Variants in MYBPC3 observed in about 807,000 individuals in gnomAD.
The protein encoded by MYBPC3 is myosin binding protein C3.
In MYBPC3, 108 loss-of-function variants were observed where a neutral mutation model predicts 159.3. The ratio of observed to expected loss-of-function variants is 0.68; its 90% CI spans 0.58 to 0.80. MYBPC3 has a LOEUF of 0.80. Ranked by LOEUF, MYBPC3 falls within the 30% of genes least tolerant of loss-of-function variation. The pLI is 0.00. For synonymous variants in MYBPC3, 730 were observed against 702.0 expected (o/e 1.04, Z -0.63); for missense variants, 1,631 against 1,762.1 (o/e 0.93, Z 1.33).
chr11:47,338,886 G>A lies in MYBPC3; in HGVS notation c.2149-207C>T, dbSNP rs970055115. On this transcript the variant is annotated intron_variant, in intron 22 of 34. Coordinates refer to ENST00000545968, the MANE Select transcript of MYBPC3 (RefSeq NM_000256.3). The surrounding 1 kb of genome is among the most constrained non-coding windows in gnomAD (Gnocchi z 4.7). ...TTCTAGCTTTGTCACGGGACCTGGG[G>A]CAACCACCTGTCCTCTCAGATGAGC... 2.0e-5 allele frequency among the ~76,000 whole-genome samples: 3 copies of A among 152,192 alleles called. No homozygotes were observed. The East Asian group carries it at 5.8e-4, about 29-fold the overall frequency.
chr11:47,343,685 G>T, intron 12 of MYBPC3, 61 bp from the exon 13 acceptor site: 1 of 1,487,492 alleles, frequency 6.7e-7, no homozygotes, highest in Non-Finnish European at 8.9e-7. Flanking sequence ...CCCAGGCCAA[G>T]CTACTGTGGC....
chr11:47,342,510 G>A (rs1595846086), intron 17 of MYBPC3, 68 bp downstream of exon 17: 2 of 1,455,992 alleles, frequency 1.4e-6, no homozygotes, highest in South Asian at 2.8e-5. Context: ...TCCCCTACAG[G>A]GCTAGGTGGG....
chr11:47,351,190 C>G lies in MYBPC3; in HGVS notation c.292+49G>C. 4.5e-5 allele frequency: 61 copies of G among 1,363,030 alleles called. No homozygotes were observed. The highest frequency in any genetic ancestry group is 5.8e-5 in the African/African-American group (4 of 68,504). The allele number at this position is 1,363,030 out of a possible 1,614,324, so 84.4% of individuals were successfully genotyped here. A position where few individuals can be genotyped will look rare whatever the true frequency, so the allele number is the denominator to read the frequency against. ...GGATGGATGGAGAGTCGCTGGGCTGCCCCTCCCCCAGCAGCCCAAACCTCA... is the reference window on the plus strand; with the variant it reads ...GGATGGATGGAGAGTCGCTGGGCTGGCCCTCCCCCAGCAGCCCAAACCTCA... On this transcript the variant is annotated intron_variant, in intron 2 of 34. Transcript: ENST00000545968. This position sits in a 1 kb window ranked among gnomAD's most constrained non-coding sequence, Gnocchi z 4.2.
At chr11:47,340,910 C>G in intron 20 of MYBPC3, 93 bp downstream of exon 20, 3 of 1,364,978 alleles carry the variant, frequency 2.2e-6, no homozygotes, top group Non-Finnish European at 2.9e-6. Flanking sequence ...CACTTTTGAT[C>G]CTTGCTCTTC....
chr11:47,350,469 G>C, intron 3 of MYBPC3, 33 bp downstream of exon 3: 1 of 1,543,644 alleles, frequency 6.5e-7, no homozygotes, highest in Non-Finnish European at 8.7e-7. Context: ...CCCTACCCAC[G>C]GATCCTGCCC....
chr11:47,335,882 T>C lies in MYBPC3; in HGVS notation c.2732A>G (p.Glu911Gly). The change falls in exon 26 of 35, where the codon GAG (glutamate) becomes GGG (glycine). Residue 911 changes from glutamate to glycine, a missense_variant. Glu to Gly is a moderately conservative substitution (Grantham distance 98). Transcript: ENST00000545968. ...TTGGGGGCGGGGACACTCACAGCCCTCTGGGCAGTACTCCACGCTGTAGCC... is the reference window on the plus strand; with the variant it reads ...TTGGGGGCGGGGACACTCACAGCCCCCTGGGCAGTACTCCACGCTGTAGCC... ...LDGYSVEYCPEGCSEWVAALQ... is the reference protein window; with the variant it reads ...LDGYSVEYCPGGCSEWVAALQ... The C allele has an allele frequency of 2.6e-6, 4 of 1,515,196 alleles. No homozygotes were observed. The highest frequency in any genetic ancestry group is 3.5e-6 in the Non-Finnish European group (4 of 1,127,502). 93.9% of individuals were successfully genotyped at this position (1,515,196 alleles called of 1,614,324 possible).
intron 12 of MYBPC3, 142 bp from the exon 13 acceptor site, chr11:47,343,766 A>C: frequency 1.2e-6 from 1 of 828,000 alleles, no homozygotes; most frequent in African/African-American, 1.8e-5. Context: ...CTGTGTCTCT[A>C]TTTCTTTTTG....
At position 47,341,254 on chromosome 11, in the gene MYBPC3, A is replaced by G. The variant is rs1188580010; in HGVS notation, c.1791-10T>C. ...GGTCAGTTTGTGGACCCTGCAGGGG[A>G]GCAGTGGCTCAGGGGACCCCACTGG... On this transcript the variant is annotated splice_polypyrimidine_tract_variant and intron_variant, in intron 18 of 34. Transcript: ENST00000545968. 3.2e-6 allele frequency: 5 copies of G among 1,566,424 alleles called. No individual in the cohort carries two copies. The highest frequency in any genetic ancestry group is 1.9e-5 in the Admixed American group (1 of 53,206).
Position 47,350,623 on chromosome 11 carries a change from G to A in MYBPC3, c.293-8C>T. On this transcript the variant is annotated splice_region_variant and splice_polypyrimidine_tract_variant and intron_variant, in intron 2 of 34. Transcript: ENST00000545968. ...GCATGGGCTCTGCCTTCTCTGGAGG[G>A]GATCAGATGGGAGTCGTGGTGCAGC... 6.8e-7 allele frequency: 1 copy of A among 1,474,488 alleles called. No individual in the cohort carries two copies. Among genetic ancestry groups the A allele is most frequent in the Non-Finnish European group, 8.9e-7 (1 of 1,120,604 alleles). 91.3% of individuals were successfully genotyped at this position (1,474,488 alleles called of 1,614,324 possible). A position where few individuals can be genotyped will look rare whatever the true frequency, so the allele number is the denominator to read the frequency against.
At chr11:47,334,922 T>C in intron 27 of MYBPC3, 120 bp downstream of exon 27, 1 of 1,199,254 alleles carries the variant, frequency 8.3e-7, no homozygotes, top group Non-Finnish European at 1.1e-6. Context: ...ACCCCTCCTG[T>C]CTCTGCCCAG....
chr11:47,345,224 C>T (rs2095892962), intron 12 of MYBPC3, among the ~76,000 whole-genome samples: 1 of 152,222 alleles, frequency 6.6e-6, no homozygotes, highest in African/African-American at 2.4e-5. Context: ...CCTCTGGGCT[C>T]AGCAGTTCAG....
chr11:47,334,144 C>G (rs2142852163), intron 27 of MYBPC3, 134 bp from the exon 28 acceptor site: 1 of 814,584 alleles, frequency 1.2e-6, no homozygotes, highest in South Asian at 1.8e-5. Flanking sequence ...CCTGCGCCTC[C>G]TTTAGCTCCT....
chr11:47,342,729 C>T lies in MYBPC3; in HGVS notation c.1473G>A (p.Val491=), dbSNP rs1393805498. The change falls in exon 17 of 35, where the codon GTG becomes GTA. Residue 491 remains valine (V), a synonymous_variant. Transcript: ENST00000545968. ...GAQVKWLKDG[V]ELTREETFKY... ...TGAAGGTCTCCTCCCGGGTCAGCTCCACCCCGTCCTTCAGCCTAGCCGGGT... is the reference window on the plus strand; with the variant it reads ...TGAAGGTCTCCTCCCGGGTCAGCTCTACCCCGTCCTTCAGCCTAGCCGGGT... 2 of 1,614,012 alleles carry T rather than the reference C, an allele frequency of 1.2e-6. No homozygotes were observed. Among genetic ancestry groups the T allele is most frequent in the Non-Finnish European group, 1.7e-6 (2 of 1,179,872 alleles).
chr11:47,343,998 G>A (rs1159522377), intron 12 of MYBPC3, among the ~76,000 whole-genome samples: 8 of 152,078 alleles, frequency 5.3e-5, no homozygotes, highest in South Asian at 4.2e-4. Flanking sequence ...CATGTTGGCC[G>A]GGCTGGTCTT....
chr11:47,338,308 A>T lies in MYBPC3; in HGVS notation c.2308+212T>A, dbSNP rs755580964. ...TCCCACGGCACTCTGGACATGGCTC[A>T]TGTACAGCAGTGTCGCAGGAAATCT... On this transcript the variant is annotated intron_variant, in intron 23 of 34. Coordinates refer to ENST00000545968, the MANE Select transcript of MYBPC3 (RefSeq NM_000256.3). The surrounding 1 kb of genome is among the most constrained non-coding windows in gnomAD (Gnocchi z 4.7). Among the ~76,000 whole-genome samples, 2 of 152,148 alleles carry T rather than the reference A, an allele frequency of 1.3e-5. No homozygotes were observed. Among genetic ancestry groups the T allele is most frequent in the African/African-American group, 2.4e-5 (1 of 41,442 alleles).
chr11:47,347,157 T>A, intron 9 of MYBPC3, 128 bp from the exon 10 acceptor site: 1 of 1,433,526 alleles, frequency 7.0e-7, no homozygotes, highest in Non-Finnish European at 9.2e-7. Context: ...CTCTGTTCCT[T>A]CTGGGTCCCC....
At chr11:47,341,552 C>T (rs2095888616) in intron 18 of MYBPC3, among the ~76,000 whole-genome samples, 2 of 152,214 alleles carry the variant, frequency 1.3e-5, no homozygotes, top group Admixed American at 1.3e-4. Context: ...CCAGTTGCTC[C>T]AGGGATGAGC....
chr11:47,332,140 C>A lies in MYBPC3; in HGVS notation c.3746G>T (p.Gly1249Val), dbSNP rs727504259. Residue 1249 changes from glycine (G) to valine (V), a missense_variant, in exon 33 of 35, where the codon GGC (glycine) becomes GTC (valine). Transcript: ENST00000545968. This position sits in a 1 kb window ranked among gnomAD's most constrained non-coding sequence, Gnocchi z 4.2. Reference protein sequence around the residue: ...EIRKPCPFDGGIYVCRATNLQ... With the variant: ...EIRKPCPFDGVIYVCRATNLQ... ...GTTGGTGGCCCTGCAGACATAGATG[C>A]CCCCGTCAAAGGGGCAGGGCTTTCT... 2 of 1,613,740 alleles carry A rather than the reference C, an allele frequency of 1.2e-6. No individual in the cohort carries two copies. The highest frequency in any genetic ancestry group is 1.7e-6 in the Non-Finnish European group (2 of 1,179,896).
chr11:47,348,352 T>G, intron 6 of MYBPC3, 72 bp downstream of exon 6: 1 of 1,132,940 alleles, frequency 8.8e-7, no homozygotes, highest in Non-Finnish European at 1.3e-6. Flanking sequence ...CTCCTTAGTG[T>G]TGGGAAAAGG....
Sources: gnomAD v4.1 joint callset for allele counts (sites outside exome capture counted in the v4.1 genomes callset) on GRCh38, gnomAD v4.1.1 for gene constraint, Gnocchi (gnomAD v3.1) non-coding constraint, MANE v1.5 for transcripts, NCBI Gene and HGNC (gene_info 2026-07-23, HGNC 2026-07-21) for gene names.